The following NR3C2 variants were observed in gnomAD, a reference collection of about 807,000 sequenced individuals.
NR3C2 encodes mineralocorticoid receptor.
NR3C2 carries 15 observed loss-of-function variants against 86.4 expected under a neutral mutation model. That is an observed-to-expected ratio of 0.17 (90% CI 0.12 to 0.27). NR3C2 has a LOEUF of 0.27. Ranked by LOEUF, NR3C2 falls within the 10% of genes least tolerant of loss-of-function variation. The pLI is 1.00. For synonymous variants in NR3C2, 458 were observed against 450.5 expected, an observed-to-expected ratio of 1.02 and a Z score of -0.21; for missense variants, 960 against 1,195.6, an observed-to-expected ratio of 0.80 and a Z score of 2.91.
chr4:148,331,668 A>G (rs1744242542), intron 2 of NR3C2, among the ~76,000 whole-genome samples: 1 of 152,216 alleles, frequency 6.6e-6, no homozygotes, highest in African/African-American at 2.4e-5. Context: ...AAACAGAAAG[A>G]AGCTTCCTAC....
At chr4:148,238,217 G>A (rs1738840723) in intron 3 of NR3C2, among the ~76,000 whole-genome samples, 1 of 152,108 alleles carries the variant, frequency 6.6e-6, no homozygotes, top group Admixed American at 6.5e-5. Flanking sequence ...TTTATCTATG[G>A]TATTTGTTTC....
At chr4:148,354,339 TCA>T (rs1372373621) in intron 2 of NR3C2, among the ~76,000 whole-genome samples, 2 of 152,178 alleles carry the variant, frequency 1.3e-5, no homozygotes, top group African/African-American at 2.4e-5. Context: ...GACTGTGTTA[TCA>T]GTGAGACTTC....
chr4:148,415,590 C>T (rs1187201151), intron 2 of NR3C2, among the ~76,000 whole-genome samples: 7 of 152,128 alleles, frequency 4.6e-5, no homozygotes, highest in African/African-American at 1.2e-4. Context: ...GGGGCATGTG[C>T]AGGGTCCATG....
At chr4:148,406,960 A>G (rs1012831993) in intron 2 of NR3C2, among the ~76,000 whole-genome samples, 1 of 152,236 alleles carries the variant, frequency 6.6e-6, no homozygotes, top group Non-Finnish European at 1.5e-5. Context: ...AAAATGTAAC[A>G]GCAAGTATTA....
intron 8 of NR3C2, among the ~76,000 whole-genome samples, chr4:148,095,334 C>T (rs1049138738): frequency 3.9e-5 from 6 of 152,172 alleles, no homozygotes; most frequent in Non-Finnish European, 7.3e-5. Context: ...CAAAATGTGA[C>T]GTGATATGAA....
At chr4:148,298,977 C>A (rs758199707) in intron 2 of NR3C2, among the ~76,000 whole-genome samples, 1 of 152,206 alleles carries the variant, frequency 6.6e-6, no homozygotes, top group Non-Finnish European at 1.5e-5. Flanking sequence ...TGGGGTGGAG[C>A]CACCAGGAAT....
intron 2 of NR3C2, among the ~76,000 whole-genome samples, chr4:148,348,348 C>G (rs1006620134): frequency 6.6e-5 from 10 of 152,106 alleles, no homozygotes; most frequent in African/African-American, 2.2e-4. Context: ...GTCCAATTCA[C>G]CTACTATTCT....
chr4:148,323,233 C>G lies in NR3C2; in HGVS notation c.1758-63116G>C, dbSNP rs559136740. Among the ~76,000 whole-genome samples, 329 of 138,560 alleles carry G rather than the reference C, an allele frequency of 2.4e-3. 3 individuals are homozygous for G. Among genetic ancestry groups the G allele is most frequent in the African/African-American group, 8.8e-3 (307 of 34,840 alleles). 90.9% of individuals were successfully genotyped at this position (138,560 alleles called of 152,430 possible). The stretch of plus-strand genomic sequence containing the variant: ...GACCCACTTGAGGTGGCAGTCTGCC[C>G]GTTCTCAGATCTCCAGCTGCGTGCT... On this transcript the variant is annotated intron_variant, in intron 2 of 8. Coordinates refer to ENST00000358102, the MANE Select transcript of NR3C2 (RefSeq NM_000901.5).
At chr4:148,203,394 CT>C (rs1156606529) in intron 3 of NR3C2, among the ~76,000 whole-genome samples, 2 of 150,410 alleles carry the variant, frequency 1.3e-5, no homozygotes, top group Non-Finnish European at 3.0e-5. Context: ...TAACTTTGTG[CT>C]TAAATCTCTT....
At chr4:148,421,983 T>C (rs997778325) in intron 2 of NR3C2, among the ~76,000 whole-genome samples, 33 of 152,244 alleles carry the variant, frequency 2.2e-4, no homozygotes, top group Non-Finnish European at 3.8e-4. Context: ...AGACATCCAG[T>C]GGCCACCCAT....
At chr4:148,390,396 A>C (rs1231684835) in intron 2 of NR3C2, among the ~76,000 whole-genome samples, 3 of 152,020 alleles carry the variant, frequency 2.0e-5, no homozygotes, top group Non-Finnish European at 2.9e-5. Flanking sequence ...AACATGCCCA[A>C]ATGGGGTTTA....
intron 6 of NR3C2, among the ~76,000 whole-genome samples, chr4:148,140,947 A>G (rs758278458): frequency 3.3e-5 from 5 of 152,248 alleles, no homozygotes; most frequent in Non-Finnish European, 7.3e-5. Context: ...CATACATGGA[A>G]TATTAACATA....
chr4:148,378,620 TC>T (rs1252804987), intron 2 of NR3C2, among the ~76,000 whole-genome samples: 1 of 152,146 alleles, frequency 6.6e-6, no homozygotes, highest in Non-Finnish European at 1.5e-5. Context: ...GTCTCTTTCT[TC>T]CTCATACTTC....
At chr4:148,377,373 G>A (rs574979718) in intron 2 of NR3C2, among the ~76,000 whole-genome samples, 1 of 152,336 alleles carries the variant, frequency 6.6e-6, no homozygotes, top group African/African-American at 2.4e-5. Flanking sequence ...GAATAAACAT[G>A]TCTTTTCAAT....
chr4:148,360,353 C>T (rs1417033035), intron 2 of NR3C2, among the ~76,000 whole-genome samples: 1 of 152,166 alleles, frequency 6.6e-6, no homozygotes, highest in African/African-American at 2.4e-5. Context: ...AACAAAAAAG[C>T]TCCAACTAAA....
intron 2 of NR3C2, among the ~76,000 whole-genome samples, chr4:148,359,214 C>A (rs1011751314): frequency 6.6e-6 from 1 of 152,048 alleles, no homozygotes; most frequent in Non-Finnish European, 1.5e-5. Context: ...TAGAACTACA[C>A]CCAACATTTG....
At chr4:148,380,064 CTTTT>C (rs1746889252) in intron 2 of NR3C2, among the ~76,000 whole-genome samples, 1 of 151,956 alleles carries the variant, frequency 6.6e-6, no homozygotes, top group Admixed American at 6.6e-5. Context: ...TGCACATAGA[CTTTT>C]TTGTTTTTTA....
intron 6 of NR3C2, among the ~76,000 whole-genome samples, chr4:148,135,710 AG>A (rs33962250): frequency 1 from 152,209 of 152,210 alleles, 76,104 homozygotes; most frequent in Middle Eastern, 1. Flanking sequence ...TTTTCAATTT[AG>A]GAGCAACCAT....
chr4:148,138,378 C>T (rs921520897), intron 6 of NR3C2, among the ~76,000 whole-genome samples: 2 of 151,960 alleles, frequency 1.3e-5, no homozygotes, highest in African/African-American at 4.8e-5. Flanking sequence ...TTGGGTATGT[C>T]TCTCTCACCT....
Sources: allele counts gnomAD v4.1 joint callset (sites outside exome capture counted in the v4.1 genomes callset), GRCh38; gene constraint gnomAD v4.1.1; transcripts MANE v1.5; gene names NCBI Gene and HGNC (gene_info 2026-07-23, HGNC 2026-07-21).